ENTREP2: variants seen among roughly 807,000 people sequenced by gnomAD.
ENTREP2 encodes endosomal transmembrane epsin interactor 2, also known as protein ENTREP2.
chr15:29,163,322 T>C, the ENTREP2 span, among the ~76,000 whole-genome samples: 2 of 152,068 alleles, frequency 1.3e-5, no homozygotes, highest in Non-Finnish European at 2.9e-5. Flanking sequence ...AAATCCCTGA[T>C]TTACCTGAAA....
At chr15:29,369,848 T>A in the ENTREP2 span, among the ~76,000 whole-genome samples, 6 of 152,232 alleles carry the variant, frequency 3.9e-5, no homozygotes, top group African/African-American at 1.4e-4. Context: ...GGGTTAGTTC[T>A]CTGCAGAAAG....
the ENTREP2 span, among the ~76,000 whole-genome samples, chr15:29,552,046 G>A: frequency 6.6e-6 from 1 of 152,168 alleles, no homozygotes; most frequent in Non-Finnish European, 1.5e-5. Flanking sequence ...ACGTGACAAT[G>A]TCAAAGGAAC....
At chr15:29,326,213 G>T in the ENTREP2 span, among the ~76,000 whole-genome samples, 5 of 152,090 alleles carry the variant, frequency 3.3e-5, no homozygotes, top group Non-Finnish European at 7.4e-5. Context: ...CATCATATTA[G>T]AAGTCCTAGC....
chr15:29,622,434 C>T, the ENTREP2 span, among the ~76,000 whole-genome samples: 286 of 152,238 alleles, frequency 1.9e-3, 5 homozygotes, highest in East Asian at 0.032. Flanking sequence ...TTTTGAACTC[C>T]TGACCTCAAG....
chr15:29,265,747 T>C, the ENTREP2 span: 1 of 152,324 alleles, frequency 6.6e-6, no homozygotes, highest in East Asian at 1.9e-4. Context: ...TACAAAATAC[T>C]GAGTGTCATA....
At chr15:29,481,011 T>C in the ENTREP2 span, among the ~76,000 whole-genome samples, 1 of 152,118 alleles carries the variant, frequency 6.6e-6, no homozygotes, top group African/African-American at 2.4e-5. Flanking sequence ...TACCCCAGCA[T>C]GGGAGAACAG....
chr15:29,606,506 G>A, the ENTREP2 span, among the ~76,000 whole-genome samples: 1 of 151,790 alleles, frequency 6.6e-6, no homozygotes, highest in African/African-American at 2.4e-5. Flanking sequence ...ATTGCATGTT[G>A]GTAGCAATTT....
the ENTREP2 span, among the ~76,000 whole-genome samples, chr15:29,605,005 C>T: frequency 2.6e-3 from 399 of 152,296 alleles, no homozygotes; most frequent in African/African-American, 9.4e-3. Context: ...GCAGGCTAAC[C>T]TCAAACACTC....
chr15:29,521,481 G>C, the ENTREP2 span, among the ~76,000 whole-genome samples: 1 of 152,288 alleles, frequency 6.6e-6, no homozygotes, highest in South Asian at 2.1e-4. Context: ...TAAAAATAAG[G>C]ATAGAGGATT....
chr15:29,299,639 C>G, the ENTREP2 span, among the ~76,000 whole-genome samples: 41 of 152,292 alleles, frequency 2.7e-4, no homozygotes, highest in African/African-American at 8.2e-4. Flanking sequence ...CCTGTGCCCA[C>G]TGACCCTCTC....
At chr15:29,269,670 G>A in the ENTREP2 span, 3 of 1,558,696 alleles carry the variant, frequency 1.9e-6, no homozygotes, top group South Asian at 2.4e-5. Flanking sequence ...CGGCCTGGCC[G>A]CCAGAGCGGC....
At chr15:29,291,899 A>C in the ENTREP2 span, among the ~76,000 whole-genome samples, 3 of 152,036 alleles carry the variant, frequency 2.0e-5, no homozygotes, top group Non-Finnish European at 4.4e-5. Flanking sequence ...TTAAAATATC[A>C]GTTCAAAGAA....
At chr15:29,419,563 C>G in the ENTREP2 span, among the ~76,000 whole-genome samples, 1 of 152,086 alleles carries the variant, frequency 6.6e-6, no homozygotes, top group African/African-American at 2.4e-5. Context: ...GAAATGATGG[C>G]CAAGGATTTT....
the ENTREP2 span, among the ~76,000 whole-genome samples, chr15:29,150,265 G>A: frequency 2.0e-5 from 3 of 152,112 alleles, no homozygotes; most frequent in Non-Finnish European, 2.9e-5. Flanking sequence ...ACGGCTCCAC[G>A]CCTGCTCATG....
chr15:29,135,100 A>T, the ENTREP2 span, among the ~76,000 whole-genome samples: 65 of 151,802 alleles, frequency 4.3e-4, no homozygotes, highest in African/African-American at 1.5e-3. The surrounding 1 kb of genome is among the most constrained non-coding windows in gnomAD (Gnocchi z 7.4). Context: ...TGGGCTCAGA[A>T]TTGGCTTCAG....
the ENTREP2 span, among the ~76,000 whole-genome samples, chr15:29,552,494 G>C: frequency 6.6e-6 from 1 of 152,100 alleles, no homozygotes; most frequent in East Asian, 1.9e-4. Flanking sequence ...AGCTATTCGG[G>C]AGGCCAAGGT....
the ENTREP2 span, among the ~76,000 whole-genome samples, chr15:29,425,718 G>GAA: frequency 6.6e-6 from 1 of 151,676 alleles, no homozygotes; most frequent in Non-Finnish European, 1.5e-5. Flanking sequence ...CTAATGATTT[G>GAA]GAAATTATAT....
At chr15:29,359,194 A>G in the ENTREP2 span, among the ~76,000 whole-genome samples, 1 of 152,184 alleles carries the variant, frequency 6.6e-6, no homozygotes. Flanking sequence ...AAACTGCAAA[A>G]GCTAACAGTA....
the ENTREP2 span, among the ~76,000 whole-genome samples, chr15:29,293,603 CAG>C: frequency 6.6e-6 from 1 of 152,138 alleles, no homozygotes; most frequent in Non-Finnish European, 1.5e-5. Context: ...AGGTCCCAGG[CAG>C]AGAGTGGGGA....
Sources: gnomAD v4.1 joint callset for allele counts (sites outside exome capture counted in the v4.1 genomes callset) on GRCh38, gnomAD v4.1.1 for gene constraint, Gnocchi (gnomAD v3.1) non-coding constraint, MANE v1.5 for transcripts, NCBI Gene and HGNC (gene_info 2026-07-23, HGNC 2026-07-21) for gene names.